The following ICA1L variants were observed in gnomAD, a reference collection of about 807,000 sequenced individuals.
ICA1L encodes islet cell autoantigen 1-like protein.
In ICA1L, 50 loss-of-function variants were observed where a neutral mutation model predicts 61.3. That is an observed-to-expected ratio of 0.82 (90% CI 0.65 to 1.03). The LOEUF (loss-of-function observed/expected upper bound fraction) is 1.03. Ranked by LOEUF, ICA1L falls within the 50% of genes least tolerant of loss-of-function variation. The probability of loss-of-function intolerance (pLI) is 0.00; values close to 1 mark genes in which losing one functional copy is unlikely to be tolerated. For missense variants in ICA1L, 508 were observed against 556.7 expected (o/e 0.91, Z 0.88); for synonymous variants, 161 against 191.3 (o/e 0.84, Z 1.31).
At chr2:202,789,904 C>T (rs1692696107) in intron 10 of ICA1L, among the ~76,000 whole-genome samples, 1 of 152,176 alleles carries the variant, frequency 6.6e-6, no homozygotes, top group African/African-American at 2.4e-5. Flanking sequence ...AGTTATCTGG[C>T]CTTTCAAGAA....
At chr2:202,809,230 G>A (rs1459420430) in intron 9 of ICA1L, among the ~76,000 whole-genome samples, 3 of 151,916 alleles carry the variant, frequency 2.0e-5, no homozygotes, top group Non-Finnish European at 4.4e-5. Flanking sequence ...AGAAATTCCA[G>A]AGTTGAAAAA....
chr2:202,814,626 C>G, intron 8 of ICA1L, 76 bp downstream of exon 8: 1 of 936,288 alleles, frequency 1.1e-6, no homozygotes, highest in Non-Finnish European at 1.7e-6. Flanking sequence ...AGAGAAGAAA[C>G]AATTCTTTCC....
At chr2:202,789,480 T>G (rs1286248462) in intron 10 of ICA1L, among the ~76,000 whole-genome samples, 1 of 152,162 alleles carries the variant, frequency 6.6e-6, no homozygotes, top group African/African-American at 2.4e-5. Flanking sequence ...ATGTAGTTAT[T>G]TTGGATAACA....
intron 1 of ICA1L, among the ~76,000 whole-genome samples, chr2:202,847,164 C>G (rs1294801725): frequency 6.6e-6 from 1 of 152,158 alleles, no homozygotes; most frequent in Admixed American, 6.5e-5. Context: ...AACAATCTCT[C>G]CATATTCCAG....
Position 202,774,308 on chromosome 2 carries a change from GGC to G in ICA1L, c.*5223_*5224del. 6.6e-7 allele frequency: 1 copy of G among 1,504,438 alleles called. No individual in the cohort carries two copies. The highest frequency in any genetic ancestry group is 1.3e-5 in the South Asian group (1 of 78,962). 93.2% of individuals were successfully genotyped at this position (1,504,438 alleles called of 1,614,324 possible). A position where few individuals can be genotyped will look rare whatever the true frequency, so the allele number is the denominator to read the frequency against. On this transcript the variant is annotated 3_prime_UTR_variant, in exon 13 of 13. Coordinates refer to ENST00000358299, the MANE Select transcript of ICA1L (RefSeq NM_001288622.3). ...GCACCTACGGGCGACCGCGGACGGCGGCGCGCGCGTTCCCCGCAGCGCTGAGG... is the reference window on the plus strand; with the variant it reads ...GCACCTACGGGCGACCGCGGACGGCGGCGCGCGTTCCCCGCAGCGCTGAGG...
chr2:202,844,978 C>T (rs1196095629), intron 1 of ICA1L, among the ~76,000 whole-genome samples: 1 of 152,066 alleles, frequency 6.6e-6, no homozygotes, highest in Non-Finnish European at 1.5e-5. Flanking sequence ...GCATGTGGTC[C>T]CCCTTCCTCC....
At chr2:202,867,521 C>T (rs927475523) in intron 1 of ICA1L, among the ~76,000 whole-genome samples, 5 of 152,282 alleles carry the variant, frequency 3.3e-5, no homozygotes, top group Middle Eastern at 3.4e-3. Flanking sequence ...TAAAAATATG[C>T]TATTACAATC....
rs1692205815 is a variant in ICA1L at position 202,775,935 on chromosome 2, A to C, written c.*3598T>G. The C allele has an allele frequency of 6.6e-6, 1 of 152,234 alleles. No homozygotes were observed. Among genetic ancestry groups the C allele is most frequent in the Non-Finnish European group, 1.5e-5 (1 of 68,036 alleles). The allele number at this position is 152,234 out of a possible 1,614,324, so 9.4% of individuals were successfully genotyped here. A position where few individuals can be genotyped will look rare whatever the true frequency, so the allele number is the denominator to read the frequency against. Reference sequence around the variant, plus strand: ...AACCCAAGTTTTTGAATAGGAAAACAATAATTGTACTAAAAACTTCAGGAA... The same window carrying C: ...AACCCAAGTTTTTGAATAGGAAAACCATAATTGTACTAAAAACTTCAGGAA... On this transcript the variant is annotated 3_prime_UTR_variant, in exon 13 of 13. Transcript: ENST00000358299.
intron 2 of ICA1L, among the ~76,000 whole-genome samples, chr2:202,827,081 A>C (rs191196927): frequency 9.8e-5 from 15 of 152,334 alleles, no homozygotes; most frequent in African/African-American, 3.4e-4. Flanking sequence ...TTTTAAATGC[A>C]TATGGAAGAA....
chr2:202,786,904 A>G (rs1692606361), intron 11 of ICA1L: 1 of 342,640 alleles, frequency 2.9e-6, no homozygotes, highest in Non-Finnish European at 5.7e-6. Context: ...TGTTTGCTAC[A>G]ACATGAAAAA....
Position 202,783,514 on chromosome 2 carries a change from A to G in ICA1L, c.1333+2404T>C, listed in dbSNP as rs144750881. ...CTAATTATGAAAAAACATTAGCTAA[A>G]CCCAAATTCAAGGAATATTCAAAAT... On this transcript the variant is annotated intron_variant, in intron 12 of 12. Transcript: ENST00000358299. Among the ~76,000 whole-genome samples the G allele has an allele frequency of 1.9e-3, 288 of 152,292 alleles. 1 individual carries two copies. Among genetic ancestry groups the G allele is most frequent in the Admixed American group, 1.1e-3 (17 of 15,290 alleles).
intron 1 of ICA1L, among the ~76,000 whole-genome samples, chr2:202,839,762 T>G (rs1694269848): frequency 6.6e-6 from 1 of 152,144 alleles, no homozygotes; most frequent in South Asian, 2.1e-4. Flanking sequence ...ACAGCTCTTT[T>G]GTTCTTTTTT....
intron 9 of ICA1L, among the ~76,000 whole-genome samples, chr2:202,799,252 C>T (rs78128841): frequency 0.092 from 13,943 of 152,166 alleles, 760 homozygotes; most frequent in Non-Finnish European, 0.13. Context: ...GTATAACAGT[C>T]CTCTTTTCTC....
intron 10 of ICA1L, 49 bp from the exon 11 acceptor site, chr2:202,789,136 G>A: frequency 1.4e-6 from 2 of 1,453,050 alleles, no homozygotes; most frequent in Non-Finnish European, 1.9e-6. Context: ...TTTAGGAAAT[G>A]AGAGTAAGAC....
intron 1 of ICA1L, among the ~76,000 whole-genome samples, chr2:202,829,454 T>A (rs763776948): frequency 6.6e-6 from 1 of 152,204 alleles, no homozygotes; most frequent in Non-Finnish European, 1.5e-5. Context: ...AGGTACTAAA[T>A]GTAATTTTTT....
At chr2:202,832,840 A>G (rs560855932) in intron 1 of ICA1L, among the ~76,000 whole-genome samples, 1 of 152,286 alleles carries the variant, frequency 6.6e-6, no homozygotes, top group Admixed American at 6.5e-5. Flanking sequence ...GGCAGAAGTC[A>G]AAAGTTCTTC....
Position 202,774,902 on chromosome 2 carries a change from C to G in ICA1L, c.*4631G>C, listed in dbSNP as rs1692176079. 1 of 152,220 alleles carries G rather than the reference C, an allele frequency of 6.6e-6. No homozygotes were observed. The highest frequency in any genetic ancestry group is 1.5e-5 in the Non-Finnish European group (1 of 68,052). 9.4% of individuals were successfully genotyped at this position (152,220 alleles called of 1,614,324 possible). A position where few individuals can be genotyped will look rare whatever the true frequency, so the allele number is the denominator to read the frequency against. Reference sequence around the variant, plus strand: ...CACTGCAAAATCTCACCCACAACACCAGTCAGAACTTCATCTCCTTTTTGT... The same window carrying G: ...CACTGCAAAATCTCACCCACAACACGAGTCAGAACTTCATCTCCTTTTTGT... On this transcript the variant is annotated 3_prime_UTR_variant, in exon 13 of 13. Transcript: ENST00000358299.
intron 12 of ICA1L, among the ~76,000 whole-genome samples, chr2:202,782,597 C>CG (rs1463436504): frequency 1.3e-5 from 2 of 151,766 alleles, no homozygotes; most frequent in Non-Finnish European, 2.9e-5. Context: ...TTAGTAGAGA[C>CG]GGGGTTTCAC....
At chr2:202,824,676 G>C (rs1047596709) in intron 3 of ICA1L, among the ~76,000 whole-genome samples, 3 of 152,138 alleles carry the variant, frequency 2.0e-5, no homozygotes, top group Non-Finnish European at 2.9e-5. Context: ...TACTATGTAA[G>C]ATATTAATAT....
Sources: allele counts gnomAD v4.1 joint callset (sites outside exome capture counted in the v4.1 genomes callset), GRCh38; gene constraint gnomAD v4.1.1; transcripts MANE v1.5; gene names NCBI Gene and HGNC (gene_info 2026-07-23, HGNC 2026-07-21).